Variants in TYW1 observed in about 807,000 individuals in gnomAD.
TYW1 encodes the protein tRNA-yW synthesizing protein 1 homolog, also known as S-adenosyl-L-methionine-dependent tRNA 4-demethylwyosine synthase TYW1.
A neutral mutation model predicts 96.2 loss-of-function variants in TYW1; 46 were observed. That is an observed-to-expected ratio of 0.48 (90% CI 0.38 to 0.61). TYW1 has a LOEUF of 0.61. Among genes scored for constraint, TYW1 ranks in the 20% least tolerant of loss-of-function variants. TYW1 has a pLI of 0.00. For missense variants in TYW1, 684 were observed against 909.6 expected (o/e 0.75, Z 3.19); for synonymous variants, 274 against 323.0 (o/e 0.85, Z 1.63).
At chr7:67,053,147 C>A (rs1288464930) in intron 8 of TYW1, among the ~76,000 whole-genome samples, 1 of 127,364 alleles carries the variant, frequency 7.9e-6, no homozygotes, top group African/African-American at 3.0e-5. Flanking sequence ...AGCTTTATAT[C>A]TTACTTTTAT....
intron 12 of TYW1, among the ~76,000 whole-genome samples, chr7:67,108,817 A>C (rs1381304909): frequency 6.6e-6 from 1 of 152,154 alleles, no homozygotes; most frequent in Admixed American, 6.5e-5. Flanking sequence ...TGAACATTAT[A>C]GACATTTCAA....
chr7:67,128,494 C>T (rs1312165154), intron 13 of TYW1, among the ~76,000 whole-genome samples: 1 of 152,142 alleles, frequency 6.6e-6, no homozygotes, highest in African/African-American at 2.4e-5. Flanking sequence ...ACATCCCTGC[C>T]GTGTCAGAGC....
chr7:67,037,504 CAAA>C (rs570794125), intron 7 of TYW1, among the ~76,000 whole-genome samples: 28 of 85,116 alleles, frequency 3.3e-4, no homozygotes, highest in African/African-American at 8.4e-4. Flanking sequence ...AACTCCGTCT[CAAA>C]AAAAAAAAAA....
intron 13 of TYW1, among the ~76,000 whole-genome samples, chr7:67,180,677 CTG>C (rs747378143): frequency 5.5e-5 from 8 of 146,228 alleles, no homozygotes; most frequent in Non-Finnish European, 1.1e-4. Context: ...GAGTCTCACT[CTG>C]TTGCCCAGGC....
chr7:67,174,326 G>T (rs1799598598), intron 13 of TYW1, among the ~76,000 whole-genome samples: 3 of 151,730 alleles, frequency 2.0e-5, no homozygotes, highest in Non-Finnish European at 2.9e-5. Context: ...TTAAAAGCAG[G>T]CAGAGATAAA....
intron 15 of TYW1, among the ~76,000 whole-genome samples, chr7:67,221,573 A>G (rs1801392397): frequency 6.6e-6 from 1 of 152,162 alleles, no homozygotes; most frequent in Admixed American, 6.5e-5. Context: ...CATTTTCTGA[A>G]TATTGTCTTC....
chr7:67,159,061 C>T (rs939142635), intron 13 of TYW1, among the ~76,000 whole-genome samples: 18 of 152,158 alleles, frequency 1.2e-4, no homozygotes, highest in African/African-American at 4.3e-4. Flanking sequence ...TTCCTCTGCT[C>T]ACTTTAGCTT....
chr7:67,011,580 G>C (rs955046675), intron 4 of TYW1, among the ~76,000 whole-genome samples: 1 of 152,116 alleles, frequency 6.6e-6, no homozygotes, highest in Non-Finnish European at 1.5e-5. Context: ...GGTAGAGTTA[G>C]AGAAGCAGAG....
intron 12 of TYW1, among the ~76,000 whole-genome samples, chr7:67,102,840 A>G (rs868664011): frequency 5.9e-5 from 9 of 151,490 alleles, no homozygotes; most frequent in Admixed American, 3.3e-4. Context: ...TTTAGTAGAG[A>G]CGGGTTTCAC....
At chr7:67,052,888 C>CTG (rs1314411253) in intron 8 of TYW1, among the ~76,000 whole-genome samples, 149 of 151,896 alleles carry the variant, frequency 9.8e-4, no homozygotes, top group Middle Eastern at 3.4e-3. Flanking sequence ...TAATTGCGTG[C>CTG]CCACTACCAC....
At chr7:67,202,422 C>T (rs990712555) in intron 15 of TYW1, among the ~76,000 whole-genome samples, 3 of 152,192 alleles carry the variant, frequency 2.0e-5, no homozygotes, top group South Asian at 2.1e-4. Flanking sequence ...GACAGGGTCT[C>T]ATCTCGCTCT....
At chr7:67,176,055 TATAG>T (rs1363939379) in intron 13 of TYW1, among the ~76,000 whole-genome samples, 2 of 152,196 alleles carry the variant, frequency 1.3e-5, no homozygotes, top group Non-Finnish European at 2.9e-5. Context: ...AAGACTGCTA[TATAG>T]ATACACAGTC....
intron 3 of TYW1, among the ~76,000 whole-genome samples, chr7:67,005,825 G>A (rs1793560775): frequency 6.6e-6 from 1 of 152,030 alleles, no homozygotes; most frequent in Non-Finnish European, 1.5e-5. Context: ...TCCTCACAGT[G>A]GCCCAGAGAT....
In TYW1 at chr7:67,081,418, CT is replaced by C. The variant is rs751694320; in HGVS notation, c.1275-1998del. Among the ~76,000 whole-genome samples the C allele has an allele frequency of 3.2e-3, 417 of 129,286 alleles. 1 individual carries two copies. Among genetic ancestry groups the C allele is most frequent in the Middle Eastern group, 0.012 (3 of 248 alleles). The allele number at this position is 129,286 out of a possible 152,430, so 84.8% of individuals were successfully genotyped here. On this transcript the variant is annotated intron_variant, in intron 10 of 15. Transcript: ENST00000359626. ...TCGACTATAATGTGTCTCAAGGTGG[CT>C]TTTTTTTTTTTTTGGCATTTAATCC...
chr7:67,021,306 G>A (rs1174423444), intron 6 of TYW1, among the ~76,000 whole-genome samples: 4 of 152,270 alleles, frequency 2.6e-5, no homozygotes, highest in Non-Finnish European at 5.9e-5. Context: ...TTTGCAGTCC[G>A]GCCCACATCT....
intron 13 of TYW1, among the ~76,000 whole-genome samples, chr7:67,170,991 ATTC>A (rs1223594949): frequency 2.6e-5 from 4 of 152,066 alleles, no homozygotes; most frequent in Admixed American, 6.6e-5. Context: ...GTTTGAGAAT[ATTC>A]TTCTTGAAAT....
chr7:67,002,059 A>G (rs1337947432), intron 3 of TYW1, among the ~76,000 whole-genome samples: 1 of 150,242 alleles, frequency 6.7e-6, no homozygotes, highest in African/African-American at 2.4e-5. Flanking sequence ...AGGAAAGAAG[A>G]AAAAAAGAGA....
intron 14 of TYW1, among the ~76,000 whole-genome samples, chr7:67,184,011 G>T (rs914288251): frequency 1.3e-5 from 2 of 151,838 alleles, no homozygotes; most frequent in African/African-American, 4.8e-5. Flanking sequence ...TAGCGAGAAG[G>T]TCTCACTGTT....
chr7:67,121,053 A>G (rs1446956453), intron 13 of TYW1, among the ~76,000 whole-genome samples: 7 of 152,172 alleles, frequency 4.6e-5, no homozygotes, highest in African/African-American at 7.2e-5. Context: ...TTGCCTTGTG[A>G]GAGAAGATCT....
Sources: gnomAD v4.1 joint callset for allele counts (sites outside exome capture counted in the v4.1 genomes callset) on GRCh38, gnomAD v4.1.1 for gene constraint, MANE v1.5 for transcripts, NCBI Gene and HGNC (gene_info 2026-07-23, HGNC 2026-07-21) for gene names.